The following UTS2B variants were observed in gnomAD, a reference collection of about 807,000 sequenced individuals.
UTS2B encodes urotensin-2B.
UTS2B carries 21 observed loss-of-function variants against 19.2 expected under a neutral mutation model. The ratio of observed to expected loss-of-function variants is 1.09; its 90% CI spans 0.78 to 1.58. UTS2B has a LOEUF of 1.58. Among genes scored for constraint, UTS2B ranks in the 40% most tolerant of loss-of-function variants. The pLI is 0.00. For synonymous variants in UTS2B, 57 were observed against 50.2 expected, an observed-to-expected ratio of 1.14 and a Z score of -0.58; for missense variants, 138 against 130.3, an observed-to-expected ratio of 1.06 and a Z score of -0.29.
At chr3:191,308,555 T>C (rs758416349) in intron 3 of UTS2B, among the ~76,000 whole-genome samples, 4 of 152,182 alleles carry the variant, frequency 2.6e-5, no homozygotes, top group Non-Finnish European at 5.9e-5. Context: ...GGTTGGGTAA[T>C]TCTTTATTGC....
the UTS2B span, among the ~76,000 whole-genome samples, chr3:191,343,953 A>T: frequency 6.6e-6 from 1 of 152,202 alleles, no homozygotes; most frequent in African/African-American, 2.4e-5. Context: ...TAAATGTAGG[A>T]TAACTCTTAA....
intron 3 of UTS2B, among the ~76,000 whole-genome samples, chr3:191,311,696 GCCTT>G (rs1717306504): frequency 6.6e-6 from 1 of 152,184 alleles, no homozygotes; most frequent in Non-Finnish European, 1.5e-5. Context: ...TGATTTCAGT[GCCTT>G]CGTCACCTGT....
intron 4 of UTS2B, among the ~76,000 whole-genome samples, chr3:191,302,117 A>G (rs1717020872): frequency 6.6e-6 from 1 of 152,214 alleles, no homozygotes; most frequent in African/African-American, 2.4e-5. Context: ...ATCGAAAAGC[A>G]GGCCAAAACC....
At chr3:191,339,866 G>A in the UTS2B span, among the ~76,000 whole-genome samples, 11 of 152,174 alleles carry the variant, frequency 7.2e-5, no homozygotes, top group Non-Finnish European at 1.6e-4. Context: ...AGGTTAAAAT[G>A]TACTTGTGGT....
intron 4 of UTS2B, among the ~76,000 whole-genome samples, chr3:191,285,686 G>A (rs1716524666): frequency 6.6e-6 from 1 of 152,120 alleles, no homozygotes. Context: ...TGGATCACAA[G>A]GACAGGAGAT....
upstream of UTS2B, among the ~76,000 whole-genome samples, chr3:191,333,073 T>G (rs1400820406): frequency 6.6e-6 from 1 of 152,154 alleles, no homozygotes; most frequent in Admixed American, 6.5e-5. Context: ...ATTCTTTAGG[T>G]GGAAAGTTCC....
In UTS2B at chr3:191,298,010, C is replaced by A. The variant is rs562836657; in HGVS notation, c.-125+6482G>T. ...GTCTCTAACATGTAAGATGTTTAGGCTAATTACATCTGAGATCCTTTCCCT... is the reference window on the plus strand; with the variant it reads ...GTCTCTAACATGTAAGATGTTTAGGATAATTACATCTGAGATCCTTTCCCT... On this transcript the variant is annotated intron_variant, in intron 4 of 8. Transcript: ENST00000340524. 1.7e-3 allele frequency among the ~76,000 whole-genome samples: 266 copies of A among 152,292 alleles called. 1 individual carries two copies. The highest frequency in any genetic ancestry group is 8.6e-3 in the Admixed American group (131 of 15,302).
intron 2 of UTS2B, among the ~76,000 whole-genome samples, chr3:191,323,696 C>T (rs563521536): frequency 2.0e-5 from 3 of 151,952 alleles, no homozygotes; most frequent in African/African-American, 4.8e-5. Context: ...TTGAGTAGGG[C>T]GTGATTATCA....
At chr3:191,307,658 T>C (rs55908752) in intron 3 of UTS2B, among the ~76,000 whole-genome samples, 8,554 of 152,156 alleles carry the variant, frequency 0.056, 788 homozygotes, top group African/African-American at 0.2. Context: ...GAGTGTTAAC[T>C]TTCCTGCACT....
chr3:191,281,915 T>A (rs898638019), intron 5 of UTS2B, among the ~76,000 whole-genome samples, 172 bp downstream of exon 5: 1 of 152,100 alleles, frequency 6.6e-6, no homozygotes, highest in Non-Finnish European at 1.5e-5. Flanking sequence ...AAGAACAGCA[T>A]TGAAGATGAC....
In UTS2B at chr3:191,301,642, A is replaced by G. The variant is rs1313457306; in HGVS notation, c.-125+2850T>C. Among the ~76,000 whole-genome samples, 6 of 152,026 alleles carry G rather than the reference A, an allele frequency of 3.9e-5. No homozygotes were observed. In the East Asian group the frequency reaches 9.7e-4, roughly 25 times the overall value. On this transcript the variant is annotated intron_variant, in intron 4 of 8. Transcript: ENST00000340524. The stretch of plus-strand genomic sequence containing the variant: ...GCTGGGACCACAGGCGCCCGCCACC[A>G]TGCCCGGCTAATTTTTTTTTGTATT...
chr3:191,284,786 A>C (rs996016796), intron 4 of UTS2B, among the ~76,000 whole-genome samples: 1 of 151,886 alleles, frequency 6.6e-6, no homozygotes, highest in South Asian at 2.1e-4. Flanking sequence ...TTTCCAAAAT[A>C]TTTTTCTGCC....
At chr3:191,282,065 T>C in intron 5 of UTS2B, 22 bp downstream of exon 5, 1 of 1,537,250 alleles carries the variant, frequency 6.5e-7, no homozygotes, top group Non-Finnish European at 8.9e-7. Context: ...ACCTGTAGGA[T>C]TTTTAATTGA....
the UTS2B span, among the ~76,000 whole-genome samples, chr3:191,337,745 T>A: frequency 6.6e-6 from 1 of 152,178 alleles, no homozygotes; most frequent in African/African-American, 2.4e-5. Flanking sequence ...GTATGCCGTA[T>A]GCCAGCTCTG....
chr3:191,290,954 TCTGA>T (rs1277196798), intron 4 of UTS2B, among the ~76,000 whole-genome samples: 3 of 152,226 alleles, frequency 2.0e-5, no homozygotes, highest in East Asian at 1.9e-4. Context: ...TTTACTTCTC[TCTGA>T]CTATTAATTC....
intron 1 of UTS2B, chr3:191,329,470 C>T (rs916036209): frequency 4.2e-6 from 2 of 479,608 alleles, no homozygotes; most frequent in Non-Finnish European, 7.3e-6. Context: ...GCAGCTGGGC[C>T]GCCAGCTTGG....
intron 4 of UTS2B, among the ~76,000 whole-genome samples, chr3:191,304,086 T>C (rs1356164622): frequency 6.6e-6 from 1 of 151,750 alleles, no homozygotes; most frequent in African/African-American, 2.4e-5. Context: ...TCTCCTACCA[T>C]AGCTGGGATT....
At chr3:191,290,080 T>C (rs560628322) in intron 4 of UTS2B, among the ~76,000 whole-genome samples, 28 of 152,354 alleles carry the variant, frequency 1.8e-4, no homozygotes, top group Admixed American at 3.3e-4. Flanking sequence ...AAATTTTTAA[T>C]GAATTGATTT....
At chr3:191,283,910 A>C (rs150417870) in intron 4 of UTS2B, among the ~76,000 whole-genome samples, 1,662 of 152,272 alleles carry the variant, frequency 0.011, 17 homozygotes, top group Non-Finnish European at 0.017. Context: ...AAGTTATTTA[A>C]ATTAGCTTTC....
Sources: gnomAD v4.1 joint callset for allele counts (sites outside exome capture counted in the v4.1 genomes callset) on GRCh38, gnomAD v4.1.1 for gene constraint, MANE v1.5 for transcripts, NCBI Gene and HGNC (gene_info 2026-07-23, HGNC 2026-07-21) for gene names.